The following RIIAD1 variants were observed in gnomAD, a reference collection of about 807,000 sequenced individuals.
RIIAD1 encodes the protein regulatory subunit of type II PKA R-subunit domain containing 1.
RIIAD1 carries 15 observed loss-of-function variants against 13.3 expected under a neutral mutation model. That is an observed-to-expected ratio of 1.13 (90% CI 0.76 to 1.74). RIIAD1 has a LOEUF of 1.74. Ranked by LOEUF, RIIAD1 falls within the 40% of genes most tolerant of loss-of-function variation. The pLI, the probability that RIIAD1 is intolerant of heterozygous loss-of-function variation, is 0.00. For synonymous variants in RIIAD1, 50 were observed against 43.3 expected (o/e 1.16, Z -0.61); for missense variants, 121 against 112.2 (o/e 1.08, Z -0.35).
intron 1 of RIIAD1, 186 bp downstream of exon 1, chr1:151,721,806 G>T: frequency 1.8e-6 from 1 of 561,162 alleles, no homozygotes. Flanking sequence ...AGAGCGCGAC[G>T]GGCATCTGAG....
chr1:151,715,255 GC>G (rs1558112577), intron 4 of RIIAD1, among the ~76,000 whole-genome samples: 1 of 151,810 alleles, frequency 6.6e-6, no homozygotes, highest in Non-Finnish European at 1.5e-5. Flanking sequence ...GACCCTGACC[GC>G]CCCCACTTAG....
At chr1:151,718,693 C>A (rs538973653), upstream of RIIAD1, among the ~76,000 whole-genome samples, 3 of 152,208 alleles carry the variant, frequency 2.0e-5, no homozygotes, top group South Asian at 6.2e-4. Flanking sequence ...AGTAGGGTCC[C>A]CTAAGATGGG....
chr1:151,722,118 A>G lies in RIIAD1; in HGVS notation c.117A>G (p.Leu39=), dbSNP rs1673749225. The G allele has an allele frequency of 4.5e-6, 7 of 1,551,198 alleles. No individual in the cohort carries two copies. The highest frequency in any genetic ancestry group is 1.2e-5 in the South Asian group (1 of 84,046). The part of the protein sequence containing the change: ...IQTRIANEKY[L]RTHKEVEWLI... ...CTCGGATTGCTAACGAAAAGTACCT[A>G]AGGACCCACAAAGAAGTAGAGTGGC... Residue 39 remains leucine (L), a synonymous_variant, in exon 2 of 5, where the codon CTA becomes CTG. Transcript: ENST00000479191.
rs193236517 is a variant in RIIAD1, at chr1:151,722,112, G to C, written c.111G>C (p.Lys37Asn). 379 of 1,551,372 alleles carry C rather than the reference G, an allele frequency of 2.4e-4. No individual in the cohort carries two copies. The highest frequency in any genetic ancestry group is 1.7e-3 in the Middle Eastern group (10 of 5,990). ...TTCAGACTCGGATTGCTAACGAAAA[G>C]TACCTAAGGACCCACAAAGAAGTAG... ...FKIQTRIANE[K>N]YLRTHKEVEW... Residue 37 changes from lysine (K) to asparagine (N), a missense_variant, in exon 2 of 5, where the codon AAG becomes AAC. Transcript: ENST00000479191.
Position 151,721,530 on chromosome 1 carries a change from C to A in RIIAD1, c.-7C>A. The A allele has an allele frequency of 7.6e-7, 1 of 1,319,584 alleles. No homozygotes were observed. Among genetic ancestry groups the A allele is most frequent in the Non-Finnish European group, 9.7e-7 (1 of 1,033,670 alleles). The allele number at this position is 1,319,584 out of a possible 1,614,324, so 81.7% of individuals were successfully genotyped here. A position where few individuals can be genotyped will look rare whatever the true frequency, so the allele number is the denominator to read the frequency against. ...TCGCGGCCGGTCGCCTTGACGACCG[C>A]AGCAAGATGGAGACGCTGCCAGGCT... is the stretch of plus-strand genomic sequence containing the variant. On this transcript the variant is annotated 5_prime_UTR_variant, in exon 1 of 5. Coordinates refer to ENST00000479191, the MANE Select transcript of RIIAD1 (RefSeq NM_001144956.3).
upstream of RIIAD1, among the ~76,000 whole-genome samples, chr1:151,717,424 A>T (rs964354347): frequency 6.6e-6 from 1 of 152,266 alleles, no homozygotes; most frequent in Non-Finnish European, 1.5e-5. Flanking sequence ...GCTTTCTGGC[A>T]TTTGCCGATG....
exon 4 of RIIAD1, chr1:151,714,458 A>G: frequency 2.7e-6 from 2 of 729,586 alleles, no homozygotes; most frequent in Non-Finnish European, 5.0e-6. Context: ...AGAAAGATGG[A>G]TGCTACAGAG....
At chr1:151,716,951 C>A, upstream of RIIAD1, 1 of 348,444 alleles carries the variant, frequency 2.9e-6, no homozygotes, top group Non-Finnish European at 6.1e-6. Context: ...CTCCATCCTC[C>A]CTGACTCCCT....
At chr1:151,714,525 G>A (rs1673298204) in exon 4 of RIIAD1, 8 of 1,098,148 alleles carry the variant, frequency 7.3e-6, no homozygotes, top group Admixed American at 2.0e-5. Context: ...AGTGTCAGGA[G>A]GGTGGTGAGC....
At chr1:151,726,669 T>C (rs1673834135) in intron 2 of RIIAD1, among the ~76,000 whole-genome samples, 1 of 152,240 alleles carries the variant, frequency 6.6e-6, no homozygotes, top group Non-Finnish European at 1.5e-5. Flanking sequence ...ATAATGGTTG[T>C]TTCACAGGGT....
At chr1:151,723,406 A>C (rs1471719805) in intron 2 of RIIAD1, among the ~76,000 whole-genome samples, 5 of 150,892 alleles carry the variant, frequency 3.3e-5, no homozygotes, top group Admixed American at 1.3e-4. Flanking sequence ...AACAAACAAA[A>C]AAAAGTTGGC....
chr1:151,719,825 A>G (rs2101502902), upstream of RIIAD1: 1 of 589,772 alleles, frequency 1.7e-6, no homozygotes, highest in Middle Eastern at 2.6e-4. Flanking sequence ...TTATCAAAGC[A>G]CAAGAAGATC....
chr1:151,716,113 G>T, intron 4 of RIIAD1: 1 of 1,364,664 alleles, frequency 7.3e-7, no homozygotes, highest in Non-Finnish European at 9.8e-7. Flanking sequence ...GTGGGGCCCG[G>T]GGGCCCAGCT....
rs1258830129 is a variant in RIIAD1, at chr1:151,715,926, C to T, written c.21+1397C>T. 5.6e-6 allele frequency: 9 copies of T among 1,614,022 alleles called. No homozygotes were observed. The Admixed American group carries it at 6.7e-5, about 12-fold the overall frequency. On this transcript the variant is annotated intron_variant, in intron 4 of 8. Transcript: ENST00000326413. ...CTTGATGACAGTCAGCTCAAAGATC[C>T]GACCAAACTGTTCGAAGATGGGCTT...
intron 4 of RIIAD1, chr1:151,716,146 C>T (rs1444527732): frequency 5.3e-6 from 5 of 938,898 alleles, no homozygotes; most frequent in Non-Finnish European, 7.8e-6. Context: ...CCCTTTGGCC[C>T]CCAACCACGC....
chr1:151,722,933 T>C (rs1227826073), intron 2 of RIIAD1, among the ~76,000 whole-genome samples: 2 of 152,228 alleles, frequency 1.3e-5, no homozygotes, highest in Non-Finnish European at 2.9e-5. Flanking sequence ...ATTTTTATTT[T>C]ATAAGTGAGA....
chr1:151,726,724 T>C (rs1217636721), intron 2 of RIIAD1, among the ~76,000 whole-genome samples: 1 of 152,238 alleles, frequency 6.6e-6, no homozygotes, highest in Non-Finnish European at 1.5e-5. Context: ...TTATGAACCA[T>C]AAAACTCTAT....
At chr1:151,727,713 C>CCTG (rs3216068) in intron 3 of RIIAD1, 92 bp downstream of exon 3, 756,129 of 883,188 alleles carry the variant, frequency 0.86, 324,603 homozygotes, top group Middle Eastern at 0.94. Context: ...CAGGATTCTC[C>CCTG]CAGAGTCTGG....
At chr1:151,716,726 C>CCG (rs1558114793), upstream of RIIAD1, 3 of 461,196 alleles carry the variant, frequency 6.5e-6, no homozygotes, top group African/African-American at 2.1e-5. Context: ...GCTGCTCCCG[C>CCG]CGCTGGGGCT....
Sources: gnomAD v4.1 joint callset for allele counts (sites outside exome capture counted in the v4.1 genomes callset) on GRCh38, gnomAD v4.1.1 for gene constraint, MANE v1.5 for transcripts, NCBI Gene and HGNC (gene_info 2026-07-23, HGNC 2026-07-21) for gene names.